C1QTNF2: variants seen among roughly 807,000 people sequenced by gnomAD.
C1QTNF2 encodes C1q and TNF related 2.
In C1QTNF2, 15 loss-of-function variants were observed where a neutral mutation model predicts 17.4. The ratio of observed to expected loss-of-function variants is 0.86; its 90% CI spans 0.58 to 1.33. The LOEUF is 1.33. Ranked by LOEUF, C1QTNF2 falls within the 40% of genes most tolerant of loss-of-function variation. The pLI, the probability that C1QTNF2 is intolerant of heterozygous loss-of-function variation, is 0.00. For synonymous variants in C1QTNF2, 154 were observed against 163.3 expected (o/e 0.94, Z 0.44); for missense variants, 381 against 392.3 (o/e 0.97, Z 0.24).
chr5:160,355,051 A>T, intron 1 of C1QTNF2, 31 bp from the exon 2 acceptor site: 1 of 1,503,426 alleles, frequency 6.7e-7, no homozygotes, highest in Non-Finnish European at 8.9e-7. Flanking sequence ...GTGACAGGTG[A>T]GTGTGGCCAC....
chr5:160,351,750 T>C (rs1763926477), intron 2 of C1QTNF2, among the ~76,000 whole-genome samples: 1 of 151,982 alleles, frequency 6.6e-6, no homozygotes, highest in Non-Finnish European at 1.5e-5. Context: ...TTGAATATAT[T>C]ACAATGAGAC....
intron 1 of C1QTNF2, among the ~76,000 whole-genome samples, chr5:160,363,287 C>T (rs901046575): frequency 5.3e-5 from 8 of 152,200 alleles, no homozygotes; most frequent in East Asian, 1.9e-4. Flanking sequence ...GAGGAAAAAG[C>T]GGCTGGCTGC....
chr5:160,362,656 A>G (rs1338989074), intron 1 of C1QTNF2, among the ~76,000 whole-genome samples: 1 of 152,186 alleles, frequency 6.6e-6, no homozygotes, highest in African/African-American at 2.4e-5. Flanking sequence ...ATTATAATTT[A>G]TAAAACAAGG....
intron 1 of C1QTNF2, among the ~76,000 whole-genome samples, chr5:160,357,430 C>T (rs547728384): frequency 6.8e-4 from 103 of 152,212 alleles, no homozygotes; most frequent in African/African-American, 2.3e-3. Context: ...TAGGCAGGTA[C>T]GGCAAACATC....
chr5:160,354,704 G>GC, intron 2 of C1QTNF2, 64 bp downstream of exon 2: 2 of 1,588,346 alleles, frequency 1.3e-6, no homozygotes, highest in South Asian at 1.1e-5. Context: ...ACTTCATGAT[G>GC]CCCCCCACAT....
At chr5:160,363,553 T>C (rs1365222931) in intron 1 of C1QTNF2, among the ~76,000 whole-genome samples, 1 of 152,170 alleles carries the variant, frequency 6.6e-6, no homozygotes, top group African/African-American at 2.4e-5. Context: ...CAGCAAGAAT[T>C]CCTGAAAGCA....
At chr5:160,354,696 T>G in intron 2 of C1QTNF2, 72 bp downstream of exon 2, 2 of 1,578,482 alleles carry the variant, frequency 1.3e-6, no homozygotes, top group Non-Finnish European at 8.6e-7. Flanking sequence ...TTTTATTAAC[T>G]TCATGATGCC....
At chr5:160,366,545 G>A (rs1422044704) in intron 1 of C1QTNF2, among the ~76,000 whole-genome samples, 2 of 152,208 alleles carry the variant, frequency 1.3e-5, no homozygotes, top group Non-Finnish European at 2.9e-5. Flanking sequence ...GACCCCGTGA[G>A]GAGCTGAACA....
At chr5:160,363,951 G>C (rs1020757940) in intron 1 of C1QTNF2, among the ~76,000 whole-genome samples, 1 of 152,178 alleles carries the variant, frequency 6.6e-6, no homozygotes, top group Non-Finnish European at 1.5e-5. Flanking sequence ...CCACAGCGGT[G>C]GGGGAGTGGG....
At chr5:160,368,308 C>T (rs1447060786) in intron 1 of C1QTNF2, among the ~76,000 whole-genome samples, 2 of 151,932 alleles carry the variant, frequency 1.3e-5, no homozygotes, top group African/African-American at 2.4e-5. Context: ...CCGAGGCGGG[C>T]GGATCACAAG....
At position 160,349,750 on chromosome 5, in the gene C1QTNF2, C is replaced by G; in HGVS notation, c.276G>C (p.Lys92Asn). ...CCCCGGCTTTGCCCTTTGGTCCTGG[C>G]TTTCCCCGGTTACCTGTCCGGCCAG... ...GPPGRTGNRG[K>N]PGPKGKAGAI... The change falls in exon 3 of 3, where the codon AAG (lysine) becomes AAC (asparagine). Residue 92 changes from lysine (K) to asparagine (N), a missense_variant. Physicochemically the swap from Lys to Asn is moderately conservative, Grantham distance 94 (BLOSUM62 0). Transcript: ENST00000652664. This position sits in a 1 kb window ranked among gnomAD's most constrained non-coding sequence, Gnocchi z 4.3. 2 of 1,536,206 alleles carry G rather than the reference C, an allele frequency of 1.3e-6. No individual in the cohort carries two copies. Among genetic ancestry groups the G allele is most frequent in the Middle Eastern group, 1.8e-4 (1 of 5,688 alleles).
intron 2 of C1QTNF2, 51 bp downstream of exon 2, chr5:160,354,717 C>T (rs62377486): frequency 0.079 from 127,096 of 1,607,260 alleles, 5,587 homozygotes; most frequent in East Asian, 0.17. Context: ...CCCCACATGC[C>T]GGATGCTGTC....
At chr5:160,365,043 C>T (rs1764221717) in intron 1 of C1QTNF2, among the ~76,000 whole-genome samples, 1 of 152,162 alleles carries the variant, frequency 6.6e-6, no homozygotes, top group Non-Finnish European at 1.5e-5. Flanking sequence ...CACTCTGATC[C>T]CTAGAACTAC....
chr5:160,350,987 T>A (rs1313644320), intron 2 of C1QTNF2, among the ~76,000 whole-genome samples: 1 of 152,160 alleles, frequency 6.6e-6, no homozygotes, highest in Non-Finnish European at 1.5e-5. Context: ...CCTGACCTCG[T>A]GATCTGCCCA....
intron 1 of C1QTNF2, among the ~76,000 whole-genome samples, chr5:160,362,952 C>T (rs1280922144): frequency 1.3e-5 from 2 of 152,092 alleles, no homozygotes. Flanking sequence ...AAATTAGAGT[C>T]GTATTTAAAA....
intron 1 of C1QTNF2, among the ~76,000 whole-genome samples, chr5:160,358,522 C>T (rs1242019385): frequency 2.6e-5 from 4 of 151,826 alleles, no homozygotes; most frequent in Non-Finnish European, 4.4e-5. Flanking sequence ...GGCTGGAGTG[C>T]GTGGTGCAAG....
At chr5:160,366,644 A>G (rs1367735231) in intron 1 of C1QTNF2, among the ~76,000 whole-genome samples, 1 of 152,228 alleles carries the variant, frequency 6.6e-6, no homozygotes, top group Non-Finnish European at 1.5e-5. Context: ...GAGGTACAGG[A>G]TTTCTACAGG....
At chr5:160,355,336 G>T in intron 1 of C1QTNF2, 1 of 681,366 alleles carries the variant, frequency 1.5e-6, no homozygotes, top group Non-Finnish European at 1.8e-6. Context: ...ACTGATGACT[G>T]GGAGGAGCTG....
At chr5:160,362,431 T>C (rs1417863507) in intron 1 of C1QTNF2, among the ~76,000 whole-genome samples, 2 of 152,202 alleles carry the variant, frequency 1.3e-5, no homozygotes, top group East Asian at 1.9e-4. Context: ...CCCATAAAGA[T>C]AGAAACCCCA....
Sources: allele counts gnomAD v4.1 joint callset (sites outside exome capture counted in the v4.1 genomes callset), GRCh38; gene constraint gnomAD v4.1.1; non-coding constraint Gnocchi (gnomAD v3.1); transcripts MANE v1.5; gene names NCBI Gene and HGNC (gene_info 2026-07-23, HGNC 2026-07-21).